NLGN1: variants seen among roughly 807,000 people sequenced by gnomAD.
The protein encoded by NLGN1 is neuroligin-1.
In NLGN1, 12 loss-of-function variants were observed where a neutral mutation model predicts 65.5. That is an observed-to-expected ratio of 0.18 (90% CI 0.12 to 0.30). The LOEUF is 0.30. NLGN1 is among the 10% of genes least tolerant of loss of function. NLGN1 has a pLI of 1.00. For synonymous variants in NLGN1, 350 were observed against 359.5 expected (o/e 0.97, Z 0.30); for missense variants, 750 against 1,007.1 (o/e 0.74, Z 3.46).
At chr3:173,957,316 A>G (rs1453013640) in intron 4 of NLGN1, among the ~76,000 whole-genome samples, 1 of 152,168 alleles carries the variant, frequency 6.6e-6, no homozygotes, top group Non-Finnish European at 1.5e-5. Flanking sequence ...CAGCTGCTCA[A>G]ATTCTGCAGA....
intron 4 of NLGN1, among the ~76,000 whole-genome samples, chr3:173,837,699 A>G (rs533274702): frequency 6.6e-6 from 1 of 152,172 alleles, no homozygotes; most frequent in Non-Finnish European, 1.5e-5. Flanking sequence ...AATTCTTTCT[A>G]CTGCAGAGGA....
chr3:174,289,955 GTA>G (rs10554819), downstream of NLGN1, among the ~76,000 whole-genome samples: 56,338 of 105,140 alleles, frequency 0.54, 12,151 homozygotes, highest in Middle Eastern at 0.63. Flanking sequence ...ATATATATGT[GTA>G]TATATATATA....
At chr3:173,404,194 C>A (rs1182109178) in intron 1 of NLGN1, among the ~76,000 whole-genome samples, 2 of 151,996 alleles carry the variant, frequency 1.3e-5, no homozygotes, top group Non-Finnish European at 1.5e-5. Flanking sequence ...ATTCTAATAA[C>A]CTCATTGCAA....
At chr3:173,422,438 A>G in intron 1 of NLGN1, among the ~76,000 whole-genome samples, 1 of 152,196 alleles carries the variant, frequency 6.6e-6, no homozygotes, top group Non-Finnish European at 1.5e-5. Context: ...ACTACAATAA[A>G]CATAGAAATA....
At position 174,118,858 on chromosome 3, in the gene NLGN1, C is replaced by T. The variant is rs1034736167; in HGVS notation, c.647-156457C>T. ...CATAGTATGGTTTTTCCTGTTGCACCCTTGACTTGTACAGATTACATAACT... is the reference window on the plus strand; with the variant it reads ...CATAGTATGGTTTTTCCTGTTGCACTCTTGACTTGTACAGATTACATAACT... On this transcript the variant is annotated intron_variant, in intron 4 of 6. Transcript: ENST00000457714. Among the ~76,000 whole-genome samples the T allele has an allele frequency of 2.6e-5, 4 of 151,890 alleles. No individual in the cohort carries two copies. In the East Asian group the frequency reaches 5.8e-4, roughly 22 times the overall value.
At chr3:174,070,575 C>T (rs1246601023) in intron 4 of NLGN1, among the ~76,000 whole-genome samples, 1 of 152,002 alleles carries the variant, frequency 6.6e-6, no homozygotes, top group East Asian at 1.9e-4. Flanking sequence ...TGTGATCTGC[C>T]CACCTCAGCA....
chr3:174,276,541 T>C (rs1201207677), intron 5 of NLGN1, among the ~76,000 whole-genome samples: 1 of 151,846 alleles, frequency 6.6e-6, no homozygotes, highest in Non-Finnish European at 1.5e-5. Flanking sequence ...ATTCATGAAG[T>C]GTTTTAATTT....
intron 4 of NLGN1, among the ~76,000 whole-genome samples, chr3:174,260,184 C>A (rs1266039073): frequency 6.6e-5 from 10 of 151,020 alleles, no homozygotes; most frequent in Non-Finnish European, 1.5e-4. Context: ...ATTTATAGTC[C>A]TTTGGGTATA....
At chr3:173,445,894 T>C (rs1389614422) in intron 2 of NLGN1, among the ~76,000 whole-genome samples, 1 of 152,158 alleles carries the variant, frequency 6.6e-6, no homozygotes, top group African/African-American at 2.4e-5. Flanking sequence ...AGTTTCCTGA[T>C]TTGTGCAATG....
chr3:173,836,255 T>G (rs1273218350), intron 4 of NLGN1, among the ~76,000 whole-genome samples: 3 of 152,174 alleles, frequency 2.0e-5, no homozygotes, highest in African/African-American at 7.2e-5. Flanking sequence ...CTATAATGAC[T>G]TAGGTATCTT....
intron 4 of NLGN1, among the ~76,000 whole-genome samples, chr3:174,247,375 C>T (rs1244206692): frequency 6.6e-6 from 1 of 152,166 alleles, no homozygotes; most frequent in Non-Finnish European, 1.5e-5. Flanking sequence ...AACACAGGTT[C>T]TTCATTATTA....
intron 2 of NLGN1, among the ~76,000 whole-genome samples, chr3:173,474,717 T>G (rs1725891275): frequency 6.6e-6 from 1 of 152,166 alleles, no homozygotes; most frequent in South Asian, 2.1e-4. Flanking sequence ...CCTAGCACTT[T>G]GGGAGGCCGA....
rs1577209333 is a variant in NLGN1, at chr3:174,172,954, G to GAAT, written c.647-102359_647-102357dup. Among the ~76,000 whole-genome samples the GAAT allele has an allele frequency of 2.0e-5, 3 of 152,202 alleles. No homozygotes were observed. The East Asian group carries it at 5.8e-4, about 29-fold the overall frequency. On this transcript the variant is annotated intron_variant, in intron 4 of 6. Transcript: ENST00000457714. ...ATTTTTCTTCCAATCCATGAACATA[G>GAAT]AATATATTTCCATATTTTTGTGTCC...
At chr3:173,421,502 A>G (rs1156303773) in intron 1 of NLGN1, among the ~76,000 whole-genome samples, 1 of 151,310 alleles carries the variant, frequency 6.6e-6, no homozygotes, top group African/African-American at 2.4e-5. Flanking sequence ...CAATTTTATA[A>G]TAATAATTAT....
chr3:174,167,691 AT>A (rs1366137264), intron 4 of NLGN1, among the ~76,000 whole-genome samples: 1 of 143,460 alleles, frequency 7.0e-6, no homozygotes. Flanking sequence ...GGTGATATTC[AT>A]TTTGTGTAGT....
chr3:173,853,631 G>A (rs923007992), intron 4 of NLGN1, among the ~76,000 whole-genome samples: 2 of 152,036 alleles, frequency 1.3e-5, no homozygotes, highest in East Asian at 3.9e-4. Flanking sequence ...TATTTCTTAT[G>A]TGTGCTTACT....
At chr3:173,977,604 C>T (rs115460885) in intron 4 of NLGN1, among the ~76,000 whole-genome samples, 193 of 151,864 alleles carry the variant, frequency 1.3e-3, no homozygotes, top group African/African-American at 4.4e-3. Context: ...TTCAACAAGC[C>T]GGCTTGTGAT....
chr3:174,000,631 C>G (rs1436358002), intron 4 of NLGN1, among the ~76,000 whole-genome samples: 1 of 152,062 alleles, frequency 6.6e-6, no homozygotes, highest in Non-Finnish European at 1.5e-5. Context: ...ATCTTTGCAT[C>G]TTGTGTAATG....
intron 4 of NLGN1, among the ~76,000 whole-genome samples, chr3:173,948,971 A>G (rs902486858): frequency 6.6e-6 from 1 of 152,044 alleles, no homozygotes; most frequent in East Asian, 1.9e-4. Context: ...TAAAAAAATA[A>G]TATTTTATAT....
Sources: allele counts gnomAD v4.1 joint callset (sites outside exome capture counted in the v4.1 genomes callset), GRCh38; gene constraint gnomAD v4.1.1; transcripts MANE v1.5; gene names NCBI Gene and HGNC (gene_info 2026-07-23, HGNC 2026-07-21).